Variants in NLRP8 observed in about 807,000 individuals in gnomAD.
NLRP8 encodes the protein NLR family pyrin domain containing 8.
Under a neutral mutation model 88.7 loss-of-function variants are expected in NLRP8, and 86 were observed. The ratio of observed to expected loss-of-function variants is 0.97; its 90% CI spans 0.81 to 1.16. The LOEUF (loss-of-function observed/expected upper bound fraction) is 1.16, where lower values mean the gene tolerates loss of function less well. Among genes scored for constraint, NLRP8 ranks in the 50% most tolerant of loss-of-function variants. NLRP8 has a pLI of 0.00. For synonymous variants in NLRP8, 504 were observed against 494.6 expected (o/e 1.02, Z -0.25); for missense variants, 1,342 against 1,286.5 (o/e 1.04, Z -0.66).
At chr19:55,978,681 T>A (rs922025642) in intron 8 of NLRP8, among the ~76,000 whole-genome samples, 1 of 152,182 alleles carries the variant, frequency 6.6e-6, no homozygotes, top group African/African-American at 2.4e-5. Flanking sequence ...CGGCACCTCT[T>A]TGAGACATGG....
Position 55,948,129 on chromosome 19 carries a change from T to C in NLRP8, c.227T>C (p.Val76Ala). The change falls in exon 1 of 10, where the codon GTC becomes GCC. Residue 76 changes from valine (V) to alanine (A), a missense_variant. Coordinates refer to ENST00000291971, the MANE Select transcript of NLRP8 (RefSeq NM_176811.2). Reference sequence around the variant, plus strand: ...ACCATGCCCATCACCTGGGACCAGGTCGAGACAGCCAGCTGGGCAGAGGTG... The same window carrying C: ...ACCATGCCCATCACCTGGGACCAGGCCGAGACAGCCAGCTGGGCAGAGGTG... 3 of 1,614,180 alleles carry C rather than the reference T, an allele frequency of 1.9e-6. No homozygotes were observed. Among genetic ancestry groups the C allele is most frequent in the Non-Finnish European group, 2.5e-6 (3 of 1,180,034 alleles).
intron 3 of NLRP8, 68 bp downstream of exon 3, chr19:55,956,168 G>A: frequency 1.4e-6 from 2 of 1,455,976 alleles, no homozygotes; most frequent in South Asian, 1.3e-5. Context: ...TGTCCCGGGT[G>A]TTTAGGGGGT....
intron 3 of NLRP8, among the ~76,000 whole-genome samples, chr19:55,960,136 G>A (rs1979546051): frequency 1.3e-5 from 2 of 152,090 alleles, no homozygotes. Context: ...CAAAACTCTT[G>A]GTGGTCTTTT....
Position 55,979,412 on chromosome 19 carries a change from C to T in NLRP8, c.2895C>T (p.Phe965=), listed in dbSNP as rs306475. 0.65 allele frequency: 1,049,149 copies of T among 1,613,580 alleles called. 344,385 individuals are homozygous for T. Among genetic ancestry groups the T allele is most frequent in the African/African-American group, 0.79 (58,910 of 75,016 alleles). The change falls in exon 9 of 10, where the codon TTC becomes TTT. Residue 965 remains phenylalanine, a synonymous_variant. Coordinates refer to ENST00000291971, the MANE Select transcript of NLRP8 (RefSeq NM_176811.2). ...GTCACAGGCTGGAAAACTGCCTGTT[C>T]ACCTCCATCTGCTGCCAGGCCATGG...
At chr19:55,987,180 C>T (rs190291402) in intron 9 of NLRP8, among the ~76,000 whole-genome samples, 1 of 152,044 alleles carries the variant, frequency 6.6e-6, no homozygotes, top group Non-Finnish European at 1.5e-5. Flanking sequence ...ACCAGCCTGG[C>T]CAACATGGTG....
At chr19:55,948,320 G>A in intron 1 of NLRP8, 51 bp downstream of exon 1, 2 of 1,563,608 alleles carry the variant, frequency 1.3e-6, no homozygotes, top group Non-Finnish European at 1.7e-6. Flanking sequence ...CTGCTGGGCA[G>A]CTAAACTACT....
rs1980849834 is a variant in NLRP8, at chr19:55,986,535, AG to A, written c.3048-1277del. On this transcript the variant is annotated intron_variant, in intron 9 of 9. Coordinates refer to ENST00000291971, the MANE Select transcript of NLRP8 (RefSeq NM_176811.2). ...TAATTGCTTCAGGACAGCCAGCTGA[AG>A]GCTGTGAGCATCCGGGCGCCCTCAG... is the stretch of plus-strand genomic sequence containing the variant. 3.3e-5 allele frequency among the ~76,000 whole-genome samples: 5 copies of A among 151,906 alleles called. No homozygotes were observed. In the South Asian group the frequency reaches 1.0e-3, roughly 32 times the overall value.
rs569527827 is a variant in NLRP8, at chr19:55,962,154, G to A, written c.2130G>A (p.Met710Ile). The A allele has an allele frequency of 1.4e-5, 23 of 1,614,202 alleles. No individual in the cohort carries two copies. Among genetic ancestry groups the A allele is most frequent in the Non-Finnish European group, 1.9e-5 (23 of 1,180,018 alleles). ...ATGATAAGCTGGAAGTCCTGACTAT[G>A]ACCAACAGTGTTTTGGGGCCTCCTT... is the stretch of plus-strand genomic sequence containing the variant. The change falls in exon 4 of 10, where the codon ATG (methionine) becomes ATA (isoleucine). Residue 710 changes from methionine (M) to isoleucine (I), a missense_variant. Coordinates refer to ENST00000291971, the MANE Select transcript of NLRP8 (RefSeq NM_176811.2).
intron 8 of NLRP8, 42 bp downstream of exon 8, chr19:55,976,345 G>A (rs1438385224): frequency 4.1e-6 from 6 of 1,478,120 alleles, no homozygotes; most frequent in Non-Finnish European, 5.4e-6. Flanking sequence ...CAGGAGAATT[G>A]TATATAAGCG....
At position 55,957,671 on chromosome 19, in the gene NLRP8, AATTATATATATATATATATATAT is replaced by A. The variant is rs1452857729; in HGVS notation, c.2042+1574_2042+1596del. On this transcript the variant is annotated intron_variant, in intron 3 of 9. Transcript: ENST00000291971. ...ACTATCTTAAAAAAGAAAAAATAAT[AATTATATATATATATATATATAT>A]ATATATATATATATATATATATATA... Among the ~76,000 whole-genome samples the A allele has an allele frequency of 2.1e-3, 115 of 55,352 alleles. 2 individuals carry two copies. Among genetic ancestry groups the A allele is most frequent in the African/African-American group, 8.2e-3 (92 of 11,212 alleles). The allele number at this position is 55,352 out of a possible 152,430, so 36.3% of individuals were successfully genotyped here. A position where few individuals can be genotyped will look rare whatever the true frequency, so the allele number is the denominator to read the frequency against.
chr19:55,962,126 C>G lies in NLRP8; in HGVS notation c.2102C>G (p.Thr701Arg). 1 of 1,614,172 alleles carries G rather than the reference C, an allele frequency of 6.2e-7. No individual in the cohort carries two copies. Among genetic ancestry groups the G allele is most frequent in the Non-Finnish European group, 8.5e-7 (1 of 1,180,018 alleles). ...CAAGACTTATGCTCTGTGTTTGCAACGAATGATAAGCTGGAAGTCCTGACT... is the reference window on the plus strand; with the variant it reads ...CAAGACTTATGCTCTGTGTTTGCAAGGAATGATAAGCTGGAAGTCCTGACT... Residue 701 changes from threonine to arginine, a missense_variant, in exon 4 of 10, where the codon ACG becomes AGG. Transcript: ENST00000291971.
At chr19:55,964,443 G>C (rs1265635940) in intron 4 of NLRP8, among the ~76,000 whole-genome samples, 1 of 152,106 alleles carries the variant, frequency 6.6e-6, no homozygotes, top group Non-Finnish European at 1.5e-5. Flanking sequence ...CCTCCTTATG[G>C]ACTGACTGAA....
chr19:55,987,907 T>C lies in NLRP8; in HGVS notation c.3141T>C (p.Asn1047=). 6.2e-7 allele frequency: 1 copy of C among 1,611,816 alleles called. No homozygotes were observed. The highest frequency in any genetic ancestry group is 8.5e-7 in the Non-Finnish European group (1 of 1,177,986). Reference sequence around the variant, plus strand: ...AAAGTGACTGCCTATCCCAGATTAATCCTTAGGCCGTCCAGTCATCTTTCT... The same window carrying C: ...AAAGTGACTGCCTATCCCAGATTAACCCTTAGGCCGTCCAGTCATCTTTCT... Residue 1047 remains asparagine, a synonymous_variant, in exon 10 of 10, where the codon AAT becomes AAC. Transcript: ENST00000291971.
At chr19:55,963,189 T>G (rs1979691607) in intron 4 of NLRP8, among the ~76,000 whole-genome samples, 4 of 152,074 alleles carry the variant, frequency 2.6e-5, no homozygotes, top group African/African-American at 9.7e-5. Flanking sequence ...AATTTTTGTA[T>G]TTTTAGTAGA....
intron 3 of NLRP8, among the ~76,000 whole-genome samples, chr19:55,958,556 A>G (rs1271012086): frequency 1.3e-5 from 2 of 152,156 alleles, no homozygotes; most frequent in African/African-American, 2.4e-5. Flanking sequence ...GAGCCCGGCC[A>G]TGCTTGTGAC....
At chr19:55,972,904 A>G (rs1246571408) in intron 6 of NLRP8, among the ~76,000 whole-genome samples, 1 of 151,394 alleles carries the variant, frequency 6.6e-6, no homozygotes, top group Non-Finnish European at 1.5e-5. Context: ...TCGCAACTGC[A>G]AATTGTGCTG....
chr19:55,976,000 C>A, intron 7 of NLRP8, 133 bp from the exon 8 acceptor site: 3 of 891,610 alleles, frequency 3.4e-6, no homozygotes, highest in East Asian at 2.9e-5. Flanking sequence ...AAAAAACAAA[C>A]AAACAAAACA....
chr19:55,981,754 CCTAA>C (rs1289744843), intron 9 of NLRP8, among the ~76,000 whole-genome samples: 1 of 152,156 alleles, frequency 6.6e-6, no homozygotes, highest in African/African-American at 2.4e-5. Context: ...TTTTTAAGGT[CCTAA>C]CTAACTACTA....
Position 55,976,312 on chromosome 19 carries a change from C to T in NLRP8, c.2876+9C>T, listed in dbSNP as rs770222848. On this transcript the variant is annotated intron_variant, in intron 8 of 9. Transcript: ENST00000291971. Reference sequence around the variant, plus strand: ...ACATTACAGATCCTGGAGTAAGTGGCCCCTCGTCTCCTCCTGTGAGACCAG... The same window carrying T: ...ACATTACAGATCCTGGAGTAAGTGGTCCCTCGTCTCCTCCTGTGAGACCAG... The T allele has an allele frequency of 1.9e-6, 3 of 1,587,538 alleles. No individual in the cohort carries two copies. The South Asian group carries it at 3.5e-5, about 19-fold the overall frequency.
Sources: gnomAD v4.1 joint callset for allele counts (sites outside exome capture counted in the v4.1 genomes callset) on GRCh38, gnomAD v4.1.1 for gene constraint, MANE v1.5 for transcripts, NCBI Gene and HGNC (gene_info 2026-07-23, HGNC 2026-07-21) for gene names.